PCDHGA2: variants seen among roughly 807,000 people sequenced by gnomAD.
PCDHGA2 encodes the protein protocadherin gamma subfamily A, 2.
Under a neutral mutation model 59.2 loss-of-function variants are expected in PCDHGA2, and 40 were observed. That is an observed-to-expected ratio of 0.68 (90% CI 0.52 to 0.88). PCDHGA2 has a LOEUF of 0.88. PCDHGA2 is among the 40% of genes least tolerant of loss of function. The pLI is 0.00. For missense variants in PCDHGA2, 1,226 were observed against 1,204.0 expected, an observed-to-expected ratio of 1.02 and a Z score of -0.27; for synonymous variants, 560 against 526.0, an observed-to-expected ratio of 1.06 and a Z score of -0.89.
chr5:141,365,052 T>A, intron 1 of PCDHGA2: 2 of 1,613,872 alleles, frequency 1.2e-6, no homozygotes, highest in Non-Finnish European at 1.7e-6. Context: ...AATGCGCCCC[T>A]GTTCACCCCA....
At chr5:141,494,770 C>A (rs767006872) in intron 1 of PCDHGA2, 37 bp from the exon 2 acceptor site, 14 of 1,613,904 alleles carry the variant, frequency 8.7e-6, no homozygotes, top group Non-Finnish European at 1.1e-5. Flanking sequence ...TAACTTCTCA[C>A]GGGTACTCAG....
intron 1 of PCDHGA2, chr5:141,409,909 T>C (rs772516694): frequency 1.2e-6 from 2 of 1,613,200 alleles, no homozygotes; most frequent in African/African-American, 2.7e-5. Flanking sequence ...CTCTGGGTCC[T>C]GACGGCTCCG....
rs1430260899 is a variant in PCDHGA2, at chr5:141,415,763, T to G, written c.2424+74368T>G. On this transcript the variant is annotated intron_variant, in intron 1 of 3. Transcript: ENST00000394576. ...AGGTTTTTTTTTTTTTTTTTTTTTT[T>G]TTTTTTTTTACTTTCTGGTAAAATT... is the stretch of plus-strand genomic sequence containing the variant. The G allele has an allele frequency of 1.1e-5, 15 of 1,398,354 alleles. No homozygotes were observed. The African/African-American group carries it at 2.1e-4, about 19-fold the overall frequency. 86.6% of individuals were successfully genotyped at this position (1,398,354 alleles called of 1,614,324 possible). A position where few individuals can be genotyped will look rare whatever the true frequency, so the allele number is the denominator to read the frequency against.
intron 1 of PCDHGA2, chr5:141,372,333 C>G: frequency 6.2e-7 from 1 of 1,613,732 alleles, no homozygotes; most frequent in Non-Finnish European, 8.5e-7. Context: ...GGTCACTGTG[C>G]GTGATGGAGG....
At position 141,341,145 on chromosome 5, in the gene PCDHGA2, T is replaced by C; in HGVS notation, c.2174T>C (p.Leu725Pro). ...CGGCGCTGGCACAAGTCACGCCTGC[T>C]GCAGGCTTCAGGAGGCAGCTTGACA... ...RLRRWHKSRL[L>P]QASGGSLTGM... Residue 725 changes from leucine (L) to proline (P), a missense_variant, in exon 1 of 4, where the codon CTG (leucine) becomes CCG (proline). Physicochemically the swap from Leu to Pro is moderately conservative, Grantham distance 98. Transcript: ENST00000394576. 1 of 1,614,230 alleles carries C rather than the reference T, an allele frequency of 6.2e-7. No homozygotes were observed. The highest frequency in any genetic ancestry group is 1.1e-5 in the South Asian group (1 of 91,090).
At chr5:141,488,070 C>A (rs777154469) in intron 1 of PCDHGA2, among the ~76,000 whole-genome samples, 3 of 152,076 alleles carry the variant, frequency 2.0e-5, no homozygotes, top group Non-Finnish European at 1.5e-5. Context: ...TCTTTGTCTC[C>A]CAGTATCTAG....
At chr5:141,505,538 T>C in intron 3 of PCDHGA2, 57 bp downstream of exon 3, 1 of 1,610,262 alleles carries the variant, frequency 6.2e-7, no homozygotes, top group Non-Finnish European at 8.5e-7. Context: ...CTGGGGTGCA[T>C]CTCACAGCCA....
At chr5:141,361,698 T>A (rs779293216) in intron 1 of PCDHGA2, 3 of 1,613,408 alleles carry the variant, frequency 1.9e-6, no homozygotes, top group South Asian at 2.2e-5. Context: ...GCGCCTTCGA[T>A]CATGAGCAGC....
intron 1 of PCDHGA2, chr5:141,414,308 T>C: frequency 6.2e-7 from 1 of 1,613,764 alleles, no homozygotes; most frequent in Non-Finnish European, 8.5e-7. Context: ...GTGCATGATT[T>C]AGACTCTGAG....
intron 1 of PCDHGA2, chr5:141,478,808 T>A: frequency 3.4e-6 from 5 of 1,459,124 alleles, no homozygotes; most frequent in Non-Finnish European, 4.5e-6. Context: ...TCTTTTGCTA[T>A]CACAACTAAC....
At chr5:141,400,668 G>A in intron 1 of PCDHGA2, 3 of 970,702 alleles carry the variant, frequency 3.1e-6, no homozygotes, top group Non-Finnish European at 4.6e-6. Context: ...TCTTTAAGAG[G>A]AGCAGTAAAT....
intron 1 of PCDHGA2, chr5:141,366,021 AC>A: frequency 6.2e-7 from 1 of 1,614,092 alleles, no homozygotes; most frequent in Non-Finnish European, 8.5e-7. Flanking sequence ...GAGATCCTGT[AC>A]CCCGCCCTCC....
intron 1 of PCDHGA2, chr5:141,426,599 A>G (rs1171205143): frequency 2.7e-6 from 1 of 377,348 alleles, no homozygotes; most frequent in Non-Finnish European, 5.4e-6. Flanking sequence ...TCATACCCTT[A>G]GAGATTGTAG....
intron 1 of PCDHGA2, chr5:141,394,736 C>A: frequency 6.2e-7 from 1 of 1,613,456 alleles, no homozygotes; most frequent in Non-Finnish European, 8.5e-7. Flanking sequence ...TCAAGCAGAG[C>A]CTCGTGGTGG....
Position 141,359,555 on chromosome 5 carries a change from C to G in PCDHGA2, c.2424+18160C>G, listed in dbSNP as rs1761251124. 2.0e-5 allele frequency among the ~76,000 whole-genome samples: 3 copies of G among 151,148 alleles called. No individual in the cohort carries two copies. The South Asian group carries it at 6.3e-4, about 32-fold the overall frequency. ...TATAAGAAATAAATAGGAAAGCTCT[C>G]TATGTACTGATATGATCTTTAAGAT... On this transcript the variant is annotated intron_variant, in intron 1 of 3. Coordinates refer to ENST00000394576, the MANE Select transcript of PCDHGA2 (RefSeq NM_018915.4).
chr5:141,489,428 G>C lies in PCDHGA2; in HGVS notation c.2425-5379G>C, dbSNP rs561792279. The C allele has an allele frequency of 1.2e-6, 2 of 1,613,994 alleles. No individual in the cohort carries two copies. Among genetic ancestry groups the C allele is most frequent in the Non-Finnish European group, 1.7e-6 (2 of 1,180,038 alleles). On this transcript the variant is annotated intron_variant, in intron 1 of 3. Coordinates refer to ENST00000394576, the MANE Select transcript of PCDHGA2 (RefSeq NM_018915.4). This position sits in a 1 kb window ranked among gnomAD's most constrained non-coding sequence, Gnocchi z 4.5. The stretch of plus-strand genomic sequence containing the variant: ...AAGATGACAGATCTGTTGAGCCGGC[G>C]GCTGCAATTGGGCTCTGAGGAGAAT...
chr5:141,344,191 G>A (rs1281454137), intron 1 of PCDHGA2: 2 of 1,613,900 alleles, frequency 1.2e-6, no homozygotes, highest in East Asian at 2.2e-5. Flanking sequence ...AACGACCTGG[G>A]GCTAGAGCCC....
intron 1 of PCDHGA2, among the ~76,000 whole-genome samples, chr5:141,442,945 C>G (rs1000311671): frequency 1.8e-4 from 28 of 152,150 alleles, no homozygotes; most frequent in African/African-American, 6.3e-4. Context: ...GAAACTTCCT[C>G]TCACTGCAAA....
At chr5:141,443,665 AACT>A (rs2154560310) in intron 1 of PCDHGA2, among the ~76,000 whole-genome samples, 1 of 152,358 alleles carries the variant, frequency 6.6e-6, no homozygotes, top group African/African-American at 2.4e-5. Context: ...CATTTTACTG[AACT>A]AGTAGTTTAC....
Sources: allele counts gnomAD v4.1 joint callset (sites outside exome capture counted in the v4.1 genomes callset), GRCh38; gene constraint gnomAD v4.1.1; non-coding constraint Gnocchi (gnomAD v3.1); transcripts MANE v1.5; gene names NCBI Gene and HGNC (gene_info 2026-07-23, HGNC 2026-07-21).